Variants in PHACTR1 observed in about 807,000 individuals in gnomAD.
The protein encoded by PHACTR1 is RPEL repeat containing 1.
Under a neutral mutation model 69.2 loss-of-function variants are expected in PHACTR1, and 16 were observed. The observed-to-expected ratio is 0.23, with a 90% CI of 0.16 to 0.35. The LOEUF (loss-of-function observed/expected upper bound fraction) is 0.35, where lower values mean the gene tolerates loss of function less well. Ranked by LOEUF, PHACTR1 falls within the 10% of genes least tolerant of loss-of-function variation. The pLI is 1.00. For missense variants in PHACTR1, 510 were observed against 734.7 expected (o/e 0.69, Z 3.54); for synonymous variants, 312 against 284.5 (o/e 1.10, Z -0.97).
intron 4 of PHACTR1, among the ~76,000 whole-genome samples, chr6:12,852,164 T>C (rs2127760077): frequency 6.6e-6 from 1 of 152,244 alleles, no homozygotes; most frequent in African/African-American, 2.4e-5. Context: ...TTCTAATATG[T>C]GGTAAGAGGT....
intron 4 of PHACTR1, among the ~76,000 whole-genome samples, chr6:12,962,132 C>T (rs61691468): frequency 1.3e-5 from 2 of 152,046 alleles, no homozygotes; most frequent in East Asian, 1.9e-4. Flanking sequence ...GACAGAGTCT[C>T]GCTACGTTAT....
chr6:12,910,195 G>A (rs988911870), intron 4 of PHACTR1, among the ~76,000 whole-genome samples: 4 of 152,080 alleles, frequency 2.6e-5, no homozygotes, highest in South Asian at 2.1e-4. Context: ...CTTCCTAGAC[G>A]AGCTCTACTG....
chr6:13,160,397 C>T, intron 6 of PHACTR1, 113 bp downstream of exon 6: 2 of 932,958 alleles, frequency 2.1e-6, no homozygotes, highest in Non-Finnish European at 3.5e-6. Context: ...AGGATTTGAA[C>T]CATTAAAACT....
intron 3 of PHACTR1, among the ~76,000 whole-genome samples, chr6:12,735,260 A>T (rs193121054): frequency 6.6e-6 from 1 of 152,272 alleles, no homozygotes; most frequent in East Asian, 1.9e-4. Flanking sequence ...CCAAAGCAAG[A>T]TCCCAAAGAG....
intron 4 of PHACTR1, among the ~76,000 whole-genome samples, chr6:12,887,382 G>A (rs1783744511): frequency 6.6e-6 from 1 of 152,196 alleles, no homozygotes; most frequent in African/African-American, 2.4e-5. Context: ...TATAGGCATG[G>A]AATGCAGCTC....
At chr6:13,261,875 G>A (rs1003540333) in intron 10 of PHACTR1, among the ~76,000 whole-genome samples, 3 of 152,182 alleles carry the variant, frequency 2.0e-5, no homozygotes, top group Admixed American at 2.0e-4. Flanking sequence ...CTATGAGGAA[G>A]GGCATGCAAA....
At chr6:13,227,678 A>G (rs2127311725) in intron 8 of PHACTR1, 138 bp from the exon 9 acceptor site, 1 of 1,143,598 alleles carries the variant, frequency 8.7e-7, no homozygotes, top group Non-Finnish European at 1.2e-6. Flanking sequence ...TCCCTGTAAG[A>G]TGAGCAATGG....
chr6:12,943,086 C>T (rs1433490993), intron 4 of PHACTR1, among the ~76,000 whole-genome samples: 2 of 152,174 alleles, frequency 1.3e-5, no homozygotes, highest in Non-Finnish European at 2.9e-5. Context: ...AGCAGCGTTA[C>T]TCACAATAGC....
In PHACTR1 at chr6:12,718,725, C is replaced by T. The variant is rs1417097442; in HGVS notation, c.-20C>T. ...TGTTCCAGTGTTTTCTCTCAAAACT[C>T]TGTGTTTGGAACATCAAGGATGGAT... On this transcript the variant is annotated 5_prime_UTR_variant, in exon 3 of 15. Coordinates refer to ENST00000332995, the MANE Select transcript of PHACTR1 (RefSeq NM_030948.6). 3.6e-6 allele frequency: 5 copies of T among 1,395,408 alleles called. No homozygotes were observed. Among genetic ancestry groups the T allele is most frequent in the Middle Eastern group, 3.6e-4 (2 of 5,554 alleles). The allele number at this position is 1,395,408 out of a possible 1,614,324, so 86.4% of individuals were successfully genotyped here. A position where few individuals can be genotyped will look rare whatever the true frequency, so the allele number is the denominator to read the frequency against.
intron 10 of PHACTR1, among the ~76,000 whole-genome samples, chr6:13,243,239 GACC>G (rs1361998480): frequency 6.8e-6 from 1 of 146,846 alleles, no homozygotes; most frequent in African/African-American, 2.6e-5. Context: ...TGAGTTGTCA[GACC>G]ACTTTTTTTT....
chr6:12,749,668 C>T lies in PHACTR1; in HGVS notation c.128C>T (p.Pro43Leu). 6.2e-7 allele frequency: 1 copy of T among 1,612,074 alleles called. No homozygotes were observed. The highest frequency in any genetic ancestry group is 8.5e-7 in the Non-Finnish European group (1 of 1,179,630). The change falls in exon 4 of 15, where the codon CCT (proline) becomes CTT (leucine). Residue 43 changes from proline to leucine, a missense_variant. Physicochemically the swap from Pro to Leu is moderately conservative, Grantham distance 98 (BLOSUM62 -3). Transcript: ENST00000332995. Reference protein sequence around the residue: ...AQARRATLLLPPTLMAASSED... With the variant: ...AQARRATLLLLPTLMAASSED... ...GCTCGCCGGGCGACCCTGCTCCTGC[C>T]TCCCACATTAATGGCGGCATCCTCG...
intron 4 of PHACTR1, among the ~76,000 whole-genome samples, chr6:13,037,795 G>A (rs1278908374): frequency 6.6e-6 from 1 of 152,208 alleles, no homozygotes; most frequent in East Asian, 1.9e-4. Context: ...AGTAACAAAA[G>A]TCAGAACACA....
At position 13,136,887 on chromosome 6, in the gene PHACTR1, G is replaced by A. The variant is rs142092203; in HGVS notation, c.416-23317G>A. ...GGTGTGATTTGTGGCACCTCAAAAC[G>A]ATTACAATAGTAACATCAAAGATCA... On this transcript the variant is annotated intron_variant, in intron 5 of 14. Coordinates refer to ENST00000332995, the MANE Select transcript of PHACTR1 (RefSeq NM_030948.6). Among the ~76,000 whole-genome samples the A allele has an allele frequency of 2.0e-5, 3 of 152,256 alleles. No individual in the cohort carries two copies. The East Asian group carries it at 5.8e-4, about 29-fold the overall frequency.
intron 4 of PHACTR1, among the ~76,000 whole-genome samples, chr6:13,049,406 C>T (rs916276563): frequency 1.1e-4 from 17 of 152,194 alleles, no homozygotes; most frequent in African/African-American, 3.9e-4. Context: ...TGAATAATTA[C>T]TATCTTGATT....
intron 4 of PHACTR1, among the ~76,000 whole-genome samples, chr6:12,959,276 C>T (rs781058572): frequency 4.0e-5 from 6 of 150,624 alleles, no homozygotes; most frequent in Non-Finnish European, 7.4e-5. Context: ...ATTTGTATAT[C>T]GGAATTAAAA....
intron 3 of PHACTR1, 39 bp from the exon 4 acceptor site, chr6:12,749,605 G>A (rs1766306458): frequency 1.6e-6 from 2 of 1,247,500 alleles, no homozygotes; most frequent in Non-Finnish European, 2.1e-6. Flanking sequence ...TCCCCCTTCC[G>A]CCTCTCTCCC....
intron 3 of PHACTR1, among the ~76,000 whole-genome samples, chr6:12,748,772 A>C (rs972368480): frequency 6.6e-6 from 1 of 152,194 alleles, no homozygotes; most frequent in Non-Finnish European, 1.5e-5. Flanking sequence ...GTTAAAATGA[A>C]TGAGTACTTA....
intron 11 of PHACTR1, chr6:13,273,203 T>G: frequency 5.2e-6 from 2 of 385,276 alleles, no homozygotes; most frequent in Non-Finnish European, 9.3e-6. Context: ...TGAGACCACT[T>G]ATTATTTAAT....
chr6:13,135,312 C>G (rs1278441398), intron 5 of PHACTR1, among the ~76,000 whole-genome samples: 1 of 152,202 alleles, frequency 6.6e-6, no homozygotes, highest in Non-Finnish European at 1.5e-5. Flanking sequence ...TTCTGGGAGG[C>G]TGGTGTATTT....
Sources: gnomAD v4.1 joint callset for allele counts (sites outside exome capture counted in the v4.1 genomes callset) on GRCh38, gnomAD v4.1.1 for gene constraint, MANE v1.5 for transcripts, NCBI Gene and HGNC (gene_info 2026-07-23, HGNC 2026-07-21) for gene names.